Variants in LINGO2 observed in about 807,000 individuals in gnomAD.
The protein encoded by LINGO2 is leucine-rich repeat and immunoglobulin-like domain-containing nogo receptor-interacting protein 2.
LINGO2 carries 14 observed loss-of-function variants against 30.6 expected under a neutral mutation model. The observed-to-expected ratio is 0.46, with a 90% CI of 0.30 to 0.72. The LOEUF (loss-of-function observed/expected upper bound fraction) is 0.72, where lower values mean the gene tolerates loss of function less well. Among genes scored for constraint, LINGO2 ranks in the 30% least tolerant of loss-of-function variants. The probability of loss-of-function intolerance (pLI) is 0.07; values close to 1 mark genes in which losing one functional copy is unlikely to be tolerated. For missense variants in LINGO2, 729 were observed against 751.7 expected, an observed-to-expected ratio of 0.97 and a Z score of 0.35; for synonymous variants, 317 against 288.5, an observed-to-expected ratio of 1.10 and a Z score of -1.00.
the LINGO2 span, among the ~76,000 whole-genome samples, chr9:28,978,490 TTCC>T: frequency 4.6e-5 from 7 of 152,094 alleles, no homozygotes; most frequent in Non-Finnish European, 8.8e-5. Flanking sequence ...AAATTTCAGT[TTCC>T]TCCTTTTATA....
At position 28,403,654 on chromosome 9, in the gene LINGO2, CT is replaced by C. The variant is rs60784166; in HGVS notation, c.-278-30787del. Among the ~76,000 whole-genome samples the C allele has an allele frequency of 3.2e-3, 463 of 146,312 alleles. 1 individual carries two copies. The highest frequency in any genetic ancestry group is 7.0e-3 in the Middle Eastern group (2 of 286). On this transcript the variant is annotated intron_variant, in intron 2 of 5. Coordinates refer to ENST00000379992, the Ensembl canonical transcript of LINGO2. ...TAATTATGACAATGCCACCCCTCTC[CT>C]TTTTTTTTTTTTTTCAAAGGATGAC... is the stretch of plus-strand genomic sequence containing the variant.
At chr9:28,421,946 T>C (rs185289140) in intron 2 of LINGO2, among the ~76,000 whole-genome samples, 1 of 152,188 alleles carries the variant, frequency 6.6e-6, no homozygotes, top group Admixed American at 6.6e-5. Context: ...GAATACAGGA[T>C]ATCCACATGC....
At chr9:28,091,135 T>A (rs940826970) in intron 4 of LINGO2, among the ~76,000 whole-genome samples, 3 of 152,034 alleles carry the variant, frequency 2.0e-5, no homozygotes, top group African/African-American at 7.2e-5. Context: ...AATGGCCATA[T>A]TGCCCAAGGT....
intron 1 of LINGO2, among the ~76,000 whole-genome samples, chr9:28,481,693 T>C (rs189692992): frequency 6.6e-6 from 1 of 152,256 alleles, no homozygotes; most frequent in African/African-American, 2.4e-5. Flanking sequence ...TACATATGTA[T>C]ACATGTGCAT....
At chr9:28,310,051 G>T (rs1434884513) in intron 3 of LINGO2, among the ~76,000 whole-genome samples, 1 of 152,094 alleles carries the variant, frequency 6.6e-6, no homozygotes, top group Non-Finnish European at 1.5e-5. Flanking sequence ...ATACAGTGCT[G>T]GTAGGAGTGT....
chr9:28,444,533 C>G (rs1345803415), intron 2 of LINGO2, among the ~76,000 whole-genome samples: 1 of 152,230 alleles, frequency 6.6e-6, no homozygotes, highest in African/African-American at 2.4e-5. Context: ...GAGCTACAGT[C>G]CTTCTTGGAG....
At chr9:28,286,972 A>G (rs1218569633) in intron 4 of LINGO2, among the ~76,000 whole-genome samples, 1 of 152,168 alleles carries the variant, frequency 6.6e-6, no homozygotes, top group East Asian at 1.9e-4. Context: ...TTAAAAAAAT[A>G]TATAGAAGTG....
At position 28,664,533 on chromosome 9, in the gene LINGO2, A is replaced by C. The variant is rs1031082979; in HGVS notation, c.-365+5667T>G. On this transcript the variant is annotated intron_variant, in intron 1 of 5. Transcript: ENST00000379992. ...GGTCAATTTAACATTTTGAGATAAGATAAAAAGGAGAAGAATGTATTAGAA... is the reference window on the plus strand; with the variant it reads ...GGTCAATTTAACATTTTGAGATAAGCTAAAAAGGAGAAGAATGTATTAGAA... Among the ~76,000 whole-genome samples the C allele has an allele frequency of 3.9e-5, 6 of 152,128 alleles. No homozygotes were observed. In the East Asian group the frequency reaches 1.2e-3, roughly 29 times the overall value.
chr9:28,149,290 C>G (rs904617398), intron 4 of LINGO2: 6 of 596,480 alleles, frequency 1.0e-5, no homozygotes, highest in Admixed American at 5.9e-5. Flanking sequence ...GAGATTGAGA[C>G]CTGAGGAGCA....
At chr9:28,351,926 A>G (rs1192432303) in intron 3 of LINGO2, among the ~76,000 whole-genome samples, 1 of 150,966 alleles carries the variant, frequency 6.6e-6, no homozygotes, top group East Asian at 2.0e-4. Context: ...TAGATGCAGA[A>G]AAAGCCTTTG....
the LINGO2 span, among the ~76,000 whole-genome samples, chr9:28,949,013 G>A: frequency 2.8e-4 from 42 of 152,054 alleles, no homozygotes; most frequent in African/African-American, 9.2e-4. Context: ...TACAGACTTT[G>A]AACAATGAAA....
At chr9:28,870,488 T>TTCTA in the LINGO2 span, among the ~76,000 whole-genome samples, 416 of 152,186 alleles carry the variant, frequency 2.7e-3, 4 homozygotes, top group African/African-American at 9.4e-3. Flanking sequence ...AGGTTATAGC[T>TTCTA]TCTATCAGGA....
At chr9:28,816,978 C>T in the LINGO2 span, among the ~76,000 whole-genome samples, 2 of 152,140 alleles carry the variant, frequency 1.3e-5, no homozygotes, top group East Asian at 1.9e-4. Context: ...ATTTACTATA[C>T]TCACAGGCGA....
At chr9:29,156,976 T>TA in the LINGO2 span, among the ~76,000 whole-genome samples, 1 of 152,050 alleles carries the variant, frequency 6.6e-6, no homozygotes, top group Non-Finnish European at 1.5e-5. Context: ...AGTAATAACT[T>TA]ACGCAAGCAA....
At position 28,481,869 on chromosome 9, in the gene LINGO2, C is replaced by A. The variant is rs557885885; in HGVS notation, c.-364-5844G>T. ...GTTCCCACCTATGAGTGAGAATATG[C>A]GGTGTTTGGTTCTTTGTTCTTGTGA... On this transcript the variant is annotated intron_variant, in intron 1 of 5. Coordinates refer to ENST00000379992, the Ensembl canonical transcript of LINGO2. 1.4e-3 allele frequency among the ~76,000 whole-genome samples: 204 copies of A among 150,670 alleles called. 1 individual carries two copies. Among genetic ancestry groups the A allele is most frequent in the African/African-American group, 4.7e-3 (191 of 40,972 alleles).
chr9:28,638,623 T>G (rs144451215), intron 1 of LINGO2, among the ~76,000 whole-genome samples: 9,260 of 152,228 alleles, frequency 0.061, 486 homozygotes, highest in Admixed American at 0.18. Context: ...GTTTATAGTA[T>G]TCTCTGATGG....
intron 1 of LINGO2, among the ~76,000 whole-genome samples, chr9:28,553,029 G>T (rs1028803281): frequency 1.3e-5 from 2 of 151,862 alleles, no homozygotes; most frequent in Admixed American, 6.6e-5. Context: ...AGTCTCTTTG[G>T]TATAACATGC....
chr9:28,028,956 CCAT>C (rs1823527212), intron 4 of LINGO2, among the ~76,000 whole-genome samples: 1 of 152,102 alleles, frequency 6.6e-6, no homozygotes, highest in Non-Finnish European at 1.5e-5. Context: ...CCCAAGGCAA[CCAT>C]CAAACACTGC....
chr9:28,853,106 G>C, the LINGO2 span, among the ~76,000 whole-genome samples: 2 of 152,014 alleles, frequency 1.3e-5, no homozygotes, highest in African/African-American at 4.8e-5. Flanking sequence ...AAGCTTTCTT[G>C]TCTCTAAGAA....
Sources: allele counts gnomAD v4.1 joint callset (sites outside exome capture counted in the v4.1 genomes callset), GRCh38; gene constraint gnomAD v4.1.1; transcripts MANE v1.5; gene names NCBI Gene and HGNC (gene_info 2026-07-23, HGNC 2026-07-21).